The following ARMH4 variants were observed in gnomAD, a reference collection of about 807,000 sequenced individuals.
The protein encoded by ARMH4 is armadillo like helical domain containing 4, also known as armadillo-like helical domain-containing protein 4.
Under a neutral mutation model 61.9 loss-of-function variants are expected in ARMH4, and 49 were observed. The ratio of observed to expected loss-of-function variants is 0.79; its 90% confidence interval spans 0.63 to 1.00. The LOEUF (loss-of-function observed/expected upper bound fraction) is 1.00. Among genes scored for constraint, ARMH4 ranks in the 50% least tolerant of loss-of-function variants. The probability of loss-of-function intolerance (pLI) is 0.00; values close to 1 mark genes in which losing one functional copy is unlikely to be tolerated. For missense variants in ARMH4, 934 were observed against 930.0 expected, an observed-to-expected ratio of 1.00 and a Z score of -0.06; for synonymous variants, 368 against 341.5, an observed-to-expected ratio of 1.08 and a Z score of -0.85.
chr14:58,059,307 G>C (rs1432440206), intron 5 of ARMH4, among the ~76,000 whole-genome samples: 1 of 152,230 alleles, frequency 6.6e-6, no homozygotes, highest in East Asian at 1.9e-4. Context: ...TATAGATCTG[G>C]GAAGGCATGC....
At chr14:58,044,995 C>T (rs1246560331) in intron 5 of ARMH4, among the ~76,000 whole-genome samples, 4 of 152,304 alleles carry the variant, frequency 2.6e-5, no homozygotes, top group African/African-American at 9.6e-5. Flanking sequence ...GAAATAGGAA[C>T]ACTTTTACAC....
intron 6 of ARMH4, among the ~76,000 whole-genome samples, chr14:58,008,334 A>G (rs1414753760): frequency 6.6e-6 from 1 of 152,234 alleles, no homozygotes; most frequent in Non-Finnish European, 1.5e-5. Context: ...GTAAAGGTGT[A>G]GGAATGTTCT....
chr14:58,058,333 C>CT (rs536195749), intron 5 of ARMH4, among the ~76,000 whole-genome samples: 11 of 150,902 alleles, frequency 7.3e-5, no homozygotes, highest in Non-Finnish European at 1.2e-4. Flanking sequence ...GTAGAGATAC[C>CT]TTTTTTTTTA....
At chr14:58,061,714 T>A (rs935288160) in intron 5 of ARMH4, among the ~76,000 whole-genome samples, 3 of 152,142 alleles carry the variant, frequency 2.0e-5, no homozygotes, top group Admixed American at 6.5e-5. Flanking sequence ...GATCCATCTC[T>A]GCACCAAAAG....
chr14:58,055,559 G>A (rs547868798), intron 5 of ARMH4, among the ~76,000 whole-genome samples: 1 of 152,284 alleles, frequency 6.6e-6, no homozygotes, highest in Non-Finnish European at 1.5e-5. Flanking sequence ...ATCTTTAAGT[G>A]TCATGTAAAT....
At chr14:58,039,434 A>C (rs1158830221) in intron 5 of ARMH4, among the ~76,000 whole-genome samples, 1 of 152,238 alleles carries the variant, frequency 6.6e-6, no homozygotes. Flanking sequence ...GATATTCTGA[A>C]GATATTTGAA....
rs938992245 is a variant in ARMH4, at chr14:58,001,223, T to C, written c.*3513A>G. ...TATGGCTGAATAATATTCTACTGTA[T>C]GTATATACCACATTTTCTTTATCCA... On this transcript the variant is annotated 3_prime_UTR_variant, in exon 8 of 8. Transcript: ENST00000267485. 1 of 152,236 alleles carries C rather than the reference T, an allele frequency of 6.6e-6. No homozygotes were observed. The highest frequency in any genetic ancestry group is 1.5e-5 in the Non-Finnish European group (1 of 68,050). The allele number at this position is 152,236 out of a possible 1,614,324, so 9.4% of individuals were successfully genotyped here.
Position 58,096,947 on chromosome 14 carries a change from T to G in ARMH4, c.1866A>C (p.Glu622Asp), listed in dbSNP as rs376833564. Residue 622 changes from glutamate (E) to aspartate (D), a missense_variant, in exon 5 of 8, where the codon GAA (glutamate) becomes GAC (aspartate). Glu to Asp is a conservative substitution (Grantham distance 45). Coordinates refer to ENST00000267485, the MANE Select transcript of ARMH4 (RefSeq NM_001001872.4). The part of the protein sequence containing the change: ...GQEDEDEEDE[E>D]DEDEEEEDEE... Reference sequence around the variant, plus strand: ...CATCTTCCTCTTCTTCATCTTCATCTTCTTCATCCTCTTCATCCTCATCTT... The same window carrying G: ...CATCTTCCTCTTCTTCATCTTCATCGTCTTCATCCTCTTCATCCTCATCTT... The G allele has an allele frequency of 2.5e-6, 4 of 1,613,666 alleles. No individual in the cohort carries two copies. In the South Asian group the frequency reaches 4.4e-5, roughly 18 times the overall value.
In ARMH4 at chr14:58,057,570, C is replaced by CTG. The variant is rs58765566; in HGVS notation, c.2089+39152_2089+39153dup. ...TTCCAAAGGGTGTGTGTGTGTGTGT[C>CTG]TGTGTGTGTGTGTGTGTGTATTTTG... On this transcript the variant is annotated intron_variant, in intron 5 of 7. Transcript: ENST00000267485. Among the ~76,000 whole-genome samples the CTG allele has an allele frequency of 1.1e-3, 163 of 149,476 alleles. 2 individuals are homozygous for CTG. The highest frequency in any genetic ancestry group is 0.01 in the Middle Eastern group (3 of 290).
intron 4 of ARMH4, among the ~76,000 whole-genome samples, chr14:58,107,504 G>A (rs1443910286): frequency 6.6e-6 from 1 of 151,984 alleles, no homozygotes; most frequent in African/African-American, 2.4e-5. Context: ...AGTGGCTCAC[G>A]GCTGTAATCC....
rs890763554 is a variant in ARMH4 at position 58,147,322 on chromosome 14, T to G, written c.-57+4753A>C. Among the ~76,000 whole-genome samples the G allele has an allele frequency of 5.7e-4, 87 of 151,866 alleles. 1 individual carries two copies. The highest frequency in any genetic ancestry group is 1.9e-3 in the African/African-American group (80 of 41,416). ...ATTTTATACAATCCAGATGGTTTTT[T>G]TTTTTTTTTTTGATAGGAAGTCTCA... On this transcript the variant is annotated intron_variant, in intron 1 of 7. Transcript: ENST00000267485.
intron 5 of ARMH4, among the ~76,000 whole-genome samples, chr14:58,036,965 G>A (rs1311028470): frequency 8.6e-6 from 1 of 116,264 alleles, no homozygotes; most frequent in Non-Finnish European, 1.9e-5. Context: ...CGTGAAAACG[G>A]CCATACTGCC....
Position 58,131,753 on chromosome 14 carries a change from C to T in ARMH4, c.1622-32G>A, listed in dbSNP as rs893868106. 7 of 1,583,394 alleles carry T rather than the reference C, an allele frequency of 4.4e-6. No individual in the cohort carries two copies. In the African/African-American group the frequency reaches 8.1e-5, roughly 18 times the overall value. The stretch of plus-strand genomic sequence containing the variant: ...AACACAACAGACAGGACTTGACCCA[C>T]AAGATAATCATTATGGCAAATGTAA... On this transcript the variant is annotated intron_variant, in intron 3 of 7. Transcript: ENST00000267485.
chr14:58,006,566 C>A (rs1192440173), intron 6 of ARMH4, among the ~76,000 whole-genome samples: 1 of 152,134 alleles, frequency 6.6e-6, no homozygotes, highest in African/African-American at 2.4e-5. Context: ...TCACTTAGGG[C>A]AAAATATGGA....
chr14:58,111,655 C>T (rs1886355638), intron 4 of ARMH4, among the ~76,000 whole-genome samples: 1 of 151,902 alleles, frequency 6.6e-6, no homozygotes. Context: ...CTTGCAGAGA[C>T]TCTAGTGTCT....
At chr14:58,141,409 A>G (rs1887546203) in intron 1 of ARMH4, 1 of 537,174 alleles carries the variant, frequency 1.9e-6, no homozygotes, top group Non-Finnish European at 3.7e-6. Context: ...GCAGCGTCTG[A>G]TATTTGCTGG....
chr14:58,080,747 T>A (rs1463997525), intron 5 of ARMH4, among the ~76,000 whole-genome samples: 6 of 152,076 alleles, frequency 3.9e-5, no homozygotes, highest in Admixed American at 6.6e-5. Context: ...TTGAATTTAT[T>A]TTTTTTAAGA....
intron 5 of ARMH4, among the ~76,000 whole-genome samples, chr14:58,028,493 C>T (rs1308712873): frequency 6.6e-6 from 1 of 152,104 alleles, no homozygotes; most frequent in Non-Finnish European, 1.5e-5. Flanking sequence ...TTTGATGTTC[C>T]CCTGGCTTGC....
chr14:58,129,257 T>C, intron 4 of ARMH4, among the ~76,000 whole-genome samples: 1 of 152,154 alleles, frequency 6.6e-6, no homozygotes, highest in East Asian at 1.9e-4. Context: ...GGGCTGTTAG[T>C]TATCGCTTAA....
Sources: allele counts gnomAD v4.1 joint callset (sites outside exome capture counted in the v4.1 genomes callset), GRCh38; gene constraint gnomAD v4.1.1; transcripts MANE v1.5; gene names NCBI Gene and HGNC (gene_info 2026-07-23, HGNC 2026-07-21).